Variants in AOPEP observed in about 807,000 individuals in gnomAD.
The protein encoded by AOPEP is aminopeptidase O (putative).
A neutral mutation model predicts 98.1 loss-of-function variants in AOPEP; 77 were observed. That is an observed-to-expected ratio of 0.78 (90% confidence interval 0.65 to 0.95). The LOEUF (loss-of-function observed/expected upper bound fraction) is 0.95, where lower values mean the gene tolerates loss of function less well. AOPEP is among the 40% of genes least tolerant of loss of function. AOPEP has a pLI of 0.00. For synonymous variants in AOPEP, 346 were observed against 365.3 expected, an observed-to-expected ratio of 0.95 and a Z score of 0.60; for missense variants, 1,024 against 1,024.7, an observed-to-expected ratio of 1.00 and a Z score of 0.01.
intron 7 of AOPEP, among the ~76,000 whole-genome samples, chr9:94,954,121 G>A (rs1013555001): frequency 2.0e-5 from 3 of 152,076 alleles, no homozygotes; most frequent in Admixed American, 1.3e-4. Flanking sequence ...TCAGGAGTTC[G>A]AGACCAGCCT....
At chr9:94,813,019 A>G (rs1181012533) in intron 5 of AOPEP, among the ~76,000 whole-genome samples, 2 of 150,884 alleles carry the variant, frequency 1.3e-5, no homozygotes, top group African/African-American at 4.9e-5. Context: ...TTTTAGAGGC[A>G]AAAAAAAAGG....
At chr9:94,990,921 C>T (rs1233188790) in intron 11 of AOPEP, among the ~76,000 whole-genome samples, 3 of 152,240 alleles carry the variant, frequency 2.0e-5, no homozygotes, top group Admixed American at 6.5e-5. Context: ...AGCCACCGCG[C>T]CTGGCCAAAA....
chr9:94,811,649 G>T (rs996059936), intron 5 of AOPEP, among the ~76,000 whole-genome samples: 2 of 152,156 alleles, frequency 1.3e-5, no homozygotes, highest in Non-Finnish European at 2.9e-5. Context: ...GCACTGCCTG[G>T]TAGGGGACTG....
At chr9:95,130,267 T>C in the AOPEP span, among the ~76,000 whole-genome samples, 1 of 151,920 alleles carries the variant, frequency 6.6e-6, no homozygotes, top group Non-Finnish European at 1.5e-5. Flanking sequence ...CATTTCTTTC[T>C]GTCATTTGCT....
At chr9:94,738,486 AG>A (rs1428797748) in intron 1 of AOPEP, among the ~76,000 whole-genome samples, 1 of 152,150 alleles carries the variant, frequency 6.6e-6, no homozygotes, top group East Asian at 1.9e-4. Flanking sequence ...GATAATCCAT[AG>A]GAACACTAGA....
At chr9:94,747,609 A>G (rs1834814652) in intron 1 of AOPEP, among the ~76,000 whole-genome samples, 1 of 152,250 alleles carries the variant, frequency 6.6e-6, no homozygotes, top group Non-Finnish European at 1.5e-5. Context: ...AGCATATCCT[A>G]AACTCAAAGA....
the AOPEP span, among the ~76,000 whole-genome samples, chr9:95,149,320 A>T: frequency 6.6e-6 from 1 of 152,158 alleles, no homozygotes; most frequent in Admixed American, 6.5e-5. Context: ...GGAGCAGAAA[A>T]GGTAACTACT....
the AOPEP span, chr9:95,135,209 A>T: frequency 3.4e-6 from 3 of 871,146 alleles, no homozygotes; most frequent in African/African-American, 5.1e-5. Flanking sequence ...TCAAAAATAA[A>T]ATGTAAATAC....
rs1204411552 is a variant in AOPEP at position 94,895,219 on chromosome 9, T to TAATAAAAAAAAA, written c.1365-28765_1365-28764insTAAAAAAAAAAA. Among the ~76,000 whole-genome samples the TAATAAAAAAAAA allele has an allele frequency of 3.3e-4, 20 of 60,672 alleles. No individual in the cohort carries two copies. The East Asian group carries it at 6.8e-3, about 20-fold the overall frequency. 39.8% of individuals were successfully genotyped at this position (60,672 alleles called of 152,430 possible). ...CAACACAGTGAAACCTCATCTCTAC[T>TAATAAAAAAAAA]AAAAAAAAATAAAATAAAATAAAAA... is the stretch of plus-strand genomic sequence containing the variant. On this transcript the variant is annotated intron_variant, in intron 5 of 16. Transcript: ENST00000375315.
intron 13 of AOPEP, among the ~76,000 whole-genome samples, chr9:95,011,329 G>A (rs916217496): frequency 6.6e-6 from 1 of 151,330 alleles, no homozygotes; most frequent in Non-Finnish European, 1.5e-5. Context: ...CCGAGTAGCT[G>A]GGACTACAGG....
chr9:94,864,533 A>G (rs2045488852), intron 5 of AOPEP, among the ~76,000 whole-genome samples: 1 of 152,174 alleles, frequency 6.6e-6, no homozygotes, highest in Non-Finnish European at 1.5e-5. Flanking sequence ...TGACATTTCT[A>G]AAAAGTTTAT....
At chr9:94,957,561 TA>T (rs1377530510) in intron 9 of AOPEP, among the ~76,000 whole-genome samples, 2 of 152,238 alleles carry the variant, frequency 1.3e-5, no homozygotes, top group African/African-American at 4.8e-5. Flanking sequence ...TTTATTGAGA[TA>T]AAATTCACAT....
intron 6 of AOPEP, among the ~76,000 whole-genome samples, chr9:94,925,211 G>A (rs1031995711): frequency 1.3e-5 from 2 of 152,262 alleles, no homozygotes; most frequent in African/African-American, 4.8e-5. Context: ...GTCTGGTCTC[G>A]AACTCCTGAC....
intron 7 of AOPEP, chr9:94,932,856 T>G (rs2055588763): frequency 3.0e-6 from 3 of 985,274 alleles, no homozygotes; most frequent in Non-Finnish European, 3.6e-6. Flanking sequence ...TCCTTGTAAG[T>G]CATTCGTTAA....
chr9:95,102,729 C>T, the AOPEP span, among the ~76,000 whole-genome samples: 1 of 152,238 alleles, frequency 6.6e-6, no homozygotes, highest in Admixed American at 6.5e-5. Context: ...CAGCCCAGGA[C>T]ACCCTTCAGA....
At chr9:95,090,255 C>G (rs1036186145), downstream of AOPEP, among the ~76,000 whole-genome samples, 4 of 152,230 alleles carry the variant, frequency 2.6e-5, no homozygotes, top group Non-Finnish European at 1.5e-5. Flanking sequence ...CAGGGAGAGG[C>G]AGCAAGTTAA....
chr9:95,101,785 C>T, the AOPEP span: 1 of 1,614,146 alleles, frequency 6.2e-7, no homozygotes, highest in South Asian at 1.1e-5. Flanking sequence ...CAAGACGATT[C>T]CATCTGTACA....
At chr9:94,900,166 A>G (rs75660441) in intron 5 of AOPEP, among the ~76,000 whole-genome samples, 12,505 of 152,248 alleles carry the variant, frequency 0.082, 647 homozygotes, top group African/African-American at 0.13. Context: ...CTAGCTAGCT[A>G]TGTGAGCCAA....
chr9:94,830,473 G>A (rs565020223), intron 5 of AOPEP, among the ~76,000 whole-genome samples: 2 of 152,248 alleles, frequency 1.3e-5, no homozygotes, highest in African/African-American at 4.8e-5. Flanking sequence ...TCATGTCTTT[G>A]CTATTGTGAA....
Sources: allele counts gnomAD v4.1 joint callset (sites outside exome capture counted in the v4.1 genomes callset), GRCh38; gene constraint gnomAD v4.1.1; transcripts MANE v1.5; gene names NCBI Gene and HGNC (gene_info 2026-07-23, HGNC 2026-07-21).